Variants in ARHGAP5 observed in about 807,000 individuals in gnomAD.
The protein encoded by ARHGAP5 is rho GTPase-activating protein 5.
ARHGAP5 carries 23 observed loss-of-function variants against 116.6 expected under a neutral mutation model. The ratio of observed to expected loss-of-function variants is 0.20; its 90% confidence interval spans 0.14 to 0.28. ARHGAP5 has a LOEUF of 0.28. ARHGAP5 is among the 10% of genes least tolerant of loss of function. The pLI is 1.00. For missense variants in ARHGAP5, 1,405 were observed against 1,774.8 expected (o/e 0.79, Z 3.74); for synonymous variants, 574 against 602.0 (o/e 0.95, Z 0.68).
chr14:32,107,154 A>C (rs1056781581), intron 2 of ARHGAP5, among the ~76,000 whole-genome samples: 4 of 152,214 alleles, frequency 2.6e-5, no homozygotes, highest in Non-Finnish European at 4.4e-5. Flanking sequence ...CTTTACAGCA[A>C]ACTAACATGC....
Position 32,094,025 on chromosome 14 carries a change from T to C in ARHGAP5, c.3356T>C (p.Ile1119Thr). Residue 1119 changes from isoleucine to threonine, a missense_variant, in exon 2 of 7, where the codon ATT becomes ACT. Coordinates refer to ENST00000345122, the MANE Select transcript of ARHGAP5 (RefSeq NM_001030055.2). ...YVVPDDSQNR[I>T]KIRNSFVNNT... ...GTCCCAGATGATAGTCAAAATCGTA[T>C]TAAAATTCGAAACTCATTTGTAAAT... is the stretch of plus-strand genomic sequence containing the variant. 1 of 1,613,124 alleles carries C rather than the reference T, an allele frequency of 6.2e-7. No individual in the cohort carries two copies. Among genetic ancestry groups the C allele is most frequent in the East Asian group, 2.2e-5 (1 of 44,878 alleles).
chr14:32,107,883 A>G (rs1879088447), intron 2 of ARHGAP5, among the ~76,000 whole-genome samples: 1 of 152,232 alleles, frequency 6.6e-6, no homozygotes, highest in Admixed American at 6.5e-5. Flanking sequence ...ATAAATTCAC[A>G]TAAGGGCAGA....
At position 32,152,495 on chromosome 14, in the gene ARHGAP5, A is replaced by T; in HGVS notation, c.4148A>T (p.Asp1383Val). 2 of 1,602,836 alleles carry T rather than the reference A, an allele frequency of 1.2e-6. No individual in the cohort carries two copies. The highest frequency in any genetic ancestry group is 1.7e-6 in the Non-Finnish European group (2 of 1,175,580). ...IVKKFHPVNY[D>V]VFRYVITHLN... is the part of the protein sequence containing the mutation. ...AAGAAATTTCATCCTGTAAACTATG[A>T]TGTATTCAGATACGTGATAACACAT... Residue 1383 changes from aspartate to valine, a missense_variant, in exon 6 of 7, where the codon GAT becomes GTT. Physicochemically the swap from Asp to Val is radical, Grantham distance 152 (BLOSUM62 -3). Around this residue, in one of 6 missense-constraint regions of ARHGAP5, gnomAD observed 176 missense variants for 221.2 expected, o/e 0.80. Coordinates refer to ENST00000345122, the MANE Select transcript of ARHGAP5 (RefSeq NM_001030055.2).
At chr14:32,105,439 G>A (rs1878966308) in intron 2 of ARHGAP5, among the ~76,000 whole-genome samples, 2 of 151,532 alleles carry the variant, frequency 1.3e-5, no homozygotes, top group South Asian at 4.2e-4. Flanking sequence ...AAGAAATAAA[G>A]ATTCTATTTT....
In ARHGAP5 at chr14:32,093,633, A is replaced by G. The variant is rs567946684; in HGVS notation, c.2964A>G (p.Pro988=). Residue 988 remains proline (P), a synonymous_variant, in exon 2 of 7, where the codon CCA becomes CCG. Transcript: ENST00000345122. ...YPDSDDDTEA[P]PPYSPIGDDV... Reference sequence around the variant, plus strand: ...ATTCAGATGATGACACAGAAGCACCACCTCCTTATAGTCCAATTGGGGATG... The same window carrying G: ...ATTCAGATGATGACACAGAAGCACCGCCTCCTTATAGTCCAATTGGGGATG... 2.5e-5 allele frequency: 41 copies of G among 1,613,538 alleles called. No individual in the cohort carries two copies. The highest frequency in any genetic ancestry group is 3.4e-5 in the Non-Finnish European group (40 of 1,179,862).
intron 1 of ARHGAP5, among the ~76,000 whole-genome samples, chr14:32,079,438 T>C (rs1339999551): frequency 6.6e-6 from 1 of 152,226 alleles, no homozygotes; most frequent in Non-Finnish European, 1.5e-5. Flanking sequence ...ATTACCTTAA[T>C]TCTGTCACAA....
intron 2 of ARHGAP5, among the ~76,000 whole-genome samples, chr14:32,115,507 T>C (rs534768910): frequency 2.2e-4 from 32 of 148,772 alleles, no homozygotes; most frequent in Non-Finnish European, 4.6e-4. Context: ...ACTAAAAAAA[T>C]ACAAAAAAAT....
At chr14:32,149,828 A>G (rs1449341918) in intron 4 of ARHGAP5, 74 bp from the exon 5 acceptor site, 3 of 896,052 alleles carry the variant, frequency 3.3e-6, no homozygotes, top group African/African-American at 3.5e-5. Context: ...CTTTTGATCT[A>G]AAAGTAACCA....
At chr14:32,134,593 C>T (rs1454380025) in intron 3 of ARHGAP5, among the ~76,000 whole-genome samples, 2 of 152,060 alleles carry the variant, frequency 1.3e-5, no homozygotes, top group African/African-American at 2.4e-5. Flanking sequence ...TTTTAAAACT[C>T]AAAATAGCCG....
intron 2 of ARHGAP5, among the ~76,000 whole-genome samples, chr14:32,095,397 CTTTG>C (rs1166368414): frequency 1.4e-5 from 2 of 140,968 alleles, no homozygotes; most frequent in South Asian, 2.2e-4. Flanking sequence ...GGCATGTAAA[CTTTG>C]TTTTTTTTTT....
At chr14:32,104,259 TGTTAA>T (rs748288659) in intron 2 of ARHGAP5, among the ~76,000 whole-genome samples, 77 of 152,314 alleles carry the variant, frequency 5.1e-4, no homozygotes, top group Admixed American at 9.8e-4. Flanking sequence ...GTTTATTTTT[TGTTAA>T]GTTGTTAATG....
intron 3 of ARHGAP5, among the ~76,000 whole-genome samples, chr14:32,142,354 G>A (rs1566682615): frequency 6.6e-6 from 1 of 152,030 alleles, no homozygotes; most frequent in South Asian, 2.1e-4. Flanking sequence ...TTATAATATG[G>A]CAGCTCTGGA....
At chr14:32,086,503 T>G (rs1048328908) in intron 1 of ARHGAP5, among the ~76,000 whole-genome samples, 2 of 152,016 alleles carry the variant, frequency 1.3e-5, no homozygotes, top group Admixed American at 1.3e-4. Flanking sequence ...GTGAGAGCAG[T>G]AAAAGTAGAA....
In ARHGAP5 at chr14:32,091,662, A is replaced by G. The variant is rs1450367172; in HGVS notation, c.993A>G (p.Ile331Met). 2 of 1,610,074 alleles carry G rather than the reference A, an allele frequency of 1.2e-6. No individual in the cohort carries two copies. The highest frequency in any genetic ancestry group is 1.7e-6 in the Non-Finnish European group (2 of 1,178,686). ...KHIEQLKQEH[I>M]RKRREEYINT... ...TAGAACAACTTAAACAGGAACATATAAGAAAAAGGAGAGAAGAGTATATAA... is the reference window on the plus strand; with the variant it reads ...TAGAACAACTTAAACAGGAACATATGAGAAAAAGGAGAGAAGAGTATATAA... Residue 331 changes from isoleucine (I) to methionine (M), a missense_variant, in exon 2 of 7, where the codon ATA becomes ATG. Ile to Met is a conservative substitution (Grantham distance 10). Coordinates refer to ENST00000345122, the MANE Select transcript of ARHGAP5 (RefSeq NM_001030055.2).
Position 32,091,698 on chromosome 14 carries a change from A to C in ARHGAP5, c.1029A>C (p.Pro343=), listed in dbSNP as rs1878255885. The part of the protein sequence containing the change: ...KRREEYINTL[P]RAFNTLLPNL... ...GAGAAGAGTATATAAATACTTTACC[A>C]AGAGCTTTTAACACTCTTTTGCCAA... The change falls in exon 2 of 7, where the codon CCA becomes CCC. Residue 343 remains proline, a synonymous_variant. Transcript: ENST00000345122. 1 of 1,610,276 alleles carries C rather than the reference A, an allele frequency of 6.2e-7. No individual in the cohort carries two copies. The highest frequency in any genetic ancestry group is 1.7e-5 in the Admixed American group (1 of 59,246).
intron 3 of ARHGAP5, among the ~76,000 whole-genome samples, chr14:32,119,981 G>A (rs549052661): frequency 6.6e-6 from 1 of 152,122 alleles, no homozygotes; most frequent in South Asian, 2.1e-4. Context: ...TGAAAAGCTG[G>A]CATCATAGAT....
rs961000335 is a variant in ARHGAP5, at chr14:32,157,542, C to T, written c.*2594C>T. On this transcript the variant is annotated 3_prime_UTR_variant, in exon 7 of 7. Transcript: ENST00000345122. ...TTGGACCTAACAGGATCTAGATTAG[C>T]AATATAAAGAAGCATAGTGGTACTC... 2 of 152,138 alleles carry T rather than the reference C, an allele frequency of 1.3e-5. No individual in the cohort carries two copies. The highest frequency in any genetic ancestry group is 3.0e-5 in the Non-Finnish European group (2 of 67,702). 9.4% of individuals were successfully genotyped at this position (152,138 alleles called of 1,614,324 possible).
At chr14:32,113,254 C>T (rs779627039) in intron 2 of ARHGAP5, among the ~76,000 whole-genome samples, 26 of 152,134 alleles carry the variant, frequency 1.7e-4, no homozygotes, top group Non-Finnish European at 3.1e-4. Context: ...AAAAAGGAAT[C>T]GTATACATTT....
chr14:32,101,259 T>G (rs2139037722), intron 2 of ARHGAP5, among the ~76,000 whole-genome samples: 1 of 152,206 alleles, frequency 6.6e-6, no homozygotes, highest in African/African-American at 2.4e-5. Context: ...TGTAATGGGG[T>G]TTGGAGACTG....
Sources: allele counts gnomAD v4.1 joint callset (sites outside exome capture counted in the v4.1 genomes callset), GRCh38; gene constraint gnomAD v4.1.1; regional missense constraint gnomAD v4.1.1; transcripts MANE v1.5; gene names NCBI Gene and HGNC (gene_info 2026-07-23, HGNC 2026-07-21).